The following SNAPC1 variants were observed in gnomAD, a reference collection of about 807,000 sequenced individuals.
SNAPC1 encodes the protein small nuclear RNA activating complex polypeptide 1.
SNAPC1 carries 42 observed loss-of-function variants against 50.1 expected under a neutral mutation model. The ratio of observed to expected loss-of-function variants is 0.84; its 90% confidence interval spans 0.65 to 1.08. The LOEUF (loss-of-function observed/expected upper bound fraction) is 1.08, where lower values mean the gene tolerates loss of function less well. SNAPC1 is among the 50% of genes least tolerant of loss of function. The probability of loss-of-function intolerance (pLI) is 0.00; values close to 1 mark genes in which losing one functional copy is unlikely to be tolerated. For missense variants in SNAPC1, 477 were observed against 427.3 expected (o/e 1.12, Z -1.02); for synonymous variants, 164 against 144.2 (o/e 1.14, Z -0.98).
At chr14:61,790,517 G>A (rs2045144317) in intron 8 of SNAPC1, among the ~76,000 whole-genome samples, 5 of 152,172 alleles carry the variant, frequency 3.3e-5, no homozygotes, top group Admixed American at 3.3e-4. Flanking sequence ...TGTATTTTTA[G>A]TAGAGACGGA....
intron 5 of SNAPC1, among the ~76,000 whole-genome samples, 186 bp from the exon 6 acceptor site, chr14:61,777,885 GA>G (rs1267108055): frequency 6.6e-6 from 1 of 152,144 alleles, no homozygotes; most frequent in Non-Finnish European, 1.5e-5. Flanking sequence ...GCATTTTGTT[GA>G]TGAATTGTAG....
intron 1 of SNAPC1, among the ~76,000 whole-genome samples, chr14:61,764,022 C>T (rs1025509009): frequency 6.6e-6 from 1 of 152,242 alleles, no homozygotes; most frequent in African/African-American, 2.4e-5. Flanking sequence ...GCAACCTCCA[C>T]CTCCCGGGTT....
chr14:61,773,586 C>T (rs1020942910), intron 4 of SNAPC1, among the ~76,000 whole-genome samples: 1 of 150,418 alleles, frequency 6.6e-6, no homozygotes, highest in African/African-American at 2.4e-5. Flanking sequence ...TTAGTAGAGA[C>T]AAGGTTTCAC....
chr14:61,762,775 C>A lies in SNAPC1; in HGVS notation c.128+187C>A, dbSNP rs910757406. On this transcript the variant is annotated intron_variant, in intron 1 of 9. Coordinates refer to ENST00000216294, the MANE Select transcript of SNAPC1 (RefSeq NM_003082.4). Reference sequence around the variant, plus strand: ...GCTTTCCCTGCTCTATTTCATTGTGCCCTGATGGTTGTTGCGGCCTCCTCC... The same window carrying A: ...GCTTTCCCTGCTCTATTTCATTGTGACCTGATGGTTGTTGCGGCCTCCTCC... 3.9e-5 allele frequency among the ~76,000 whole-genome samples: 6 copies of A among 152,080 alleles called. No homozygotes were observed. The South Asian group carries it at 1.2e-3, about 32-fold the overall frequency.
At chr14:61,763,634 C>T (rs1363540435) in intron 1 of SNAPC1, among the ~76,000 whole-genome samples, 1 of 151,868 alleles carries the variant, frequency 6.6e-6, no homozygotes, top group Non-Finnish European at 1.5e-5. Context: ...TTTTGCTCTT[C>T]TAGACTGAGT....
intron 4 of SNAPC1, among the ~76,000 whole-genome samples, chr14:61,769,170 C>T (rs2140175412): frequency 6.6e-6 from 1 of 151,936 alleles, no homozygotes; most frequent in Admixed American, 6.5e-5. Flanking sequence ...CTAGCCTGGC[C>T]AATATGGTGA....
intron 1 of SNAPC1, among the ~76,000 whole-genome samples, chr14:61,765,987 ATGTT>A (rs916685068): frequency 2.6e-5 from 4 of 152,204 alleles, no homozygotes; most frequent in Non-Finnish European, 5.9e-5. Flanking sequence ...ATTGGAGAAA[ATGTT>A]CGTTAGGTAA....
intron 8 of SNAPC1, among the ~76,000 whole-genome samples, chr14:61,789,124 G>A (rs1439916009): frequency 6.6e-6 from 1 of 151,902 alleles, no homozygotes; most frequent in Non-Finnish European, 1.5e-5. Context: ...CCAGCTACTT[G>A]GGAGTCTGAG....
Position 61,796,037 on chromosome 14 carries a change from C to T in SNAPC1, c.*1054C>T, listed in dbSNP as rs1309875157. On this transcript the variant is annotated 3_prime_UTR_variant, in exon 10 of 10. Coordinates refer to ENST00000216294, the MANE Select transcript of SNAPC1 (RefSeq NM_003082.4). ...GATTATACTTCATGCTGTTTTCCAG[C>T]ATGGTATTATTAAGGGATTTAAAGT... 2.0e-5 allele frequency: 3 copies of T among 152,070 alleles called. No homozygotes were observed. Among genetic ancestry groups the T allele is most frequent in the African/African-American group, 7.2e-5 (3 of 41,392 alleles). 9.4% of individuals were successfully genotyped at this position (152,070 alleles called of 1,614,324 possible).
rs1210389728 is a variant in SNAPC1, at chr14:61,795,039, A to G, written c.*56A>G. The G allele has an allele frequency of 2.4e-6, 3 of 1,236,260 alleles. No homozygotes were observed. The highest frequency in any genetic ancestry group is 3.4e-6 in the Non-Finnish European group (3 of 872,322). The allele number at this position is 1,236,260 out of a possible 1,614,324, so 76.6% of individuals were successfully genotyped here. On this transcript the variant is annotated 3_prime_UTR_variant, in exon 10 of 10. Transcript: ENST00000216294. ...AGTTTTCTGACAGAAGAAAAGATTGATATTTTGTGTATTGAACAGGAAGAC... is the reference window on the plus strand; with the variant it reads ...AGTTTTCTGACAGAAGAAAAGATTGGTATTTTGTGTATTGAACAGGAAGAC...
intron 1 of SNAPC1, among the ~76,000 whole-genome samples, chr14:61,764,653 A>G (rs2044933786): frequency 6.6e-6 from 1 of 152,178 alleles, no homozygotes; most frequent in Admixed American, 6.5e-5. Context: ...AAATCCGTTA[A>G]TATTCCACTG....
chr14:61,782,275 T>G lies in SNAPC1; in HGVS notation c.854T>G (p.Val285Gly). ...TCCAAATCAAGAAGGCATCGTCAAG[T>G]CAAACTCGACTCTTCTGACTCTGAT... ...QASKSRRHRQ[V>G]KLDSSDSDSA... The change falls in exon 8 of 10, where the codon GTC (valine) becomes GGC (glycine). Residue 285 changes from valine (V) to glycine (G), a missense_variant. Coordinates refer to ENST00000216294, the MANE Select transcript of SNAPC1 (RefSeq NM_003082.4). 2 of 1,605,866 alleles carry G rather than the reference T, an allele frequency of 1.2e-6. No homozygotes were observed.
At chr14:61,789,091 T>C (rs1329582810) in intron 8 of SNAPC1, among the ~76,000 whole-genome samples, 15 of 151,690 alleles carry the variant, frequency 9.9e-5, no homozygotes. Flanking sequence ...ATTAGCTGGG[T>C]GTGGTGGCGG....
At chr14:61,775,675 C>G (rs1594646616) in intron 4 of SNAPC1, among the ~76,000 whole-genome samples, 1 of 152,130 alleles carries the variant, frequency 6.6e-6, no homozygotes, top group African/African-American at 2.4e-5. Flanking sequence ...ATAGGAATTT[C>G]CAGCAGAGCA....
intron 9 of SNAPC1, 55 bp downstream of exon 9, chr14:61,792,957 C>A: frequency 1.1e-6 from 1 of 870,692 alleles, no homozygotes; most frequent in Non-Finnish European, 1.9e-6. Flanking sequence ...ACTCGTAGAG[C>A]ATCAAGGTTT....
At chr14:61,771,724 G>C (rs147493109) in intron 4 of SNAPC1, among the ~76,000 whole-genome samples, 1 of 152,288 alleles carries the variant, frequency 6.6e-6, no homozygotes, top group Non-Finnish European at 1.5e-5. Flanking sequence ...CTATGGAGGA[G>C]GTGGGTGTGT....
chr14:61,762,534 G>A lies in SNAPC1; in HGVS notation c.74G>A (p.Arg25His), dbSNP rs2044913134. ...LSRFQETDSV[R>H]FEDFTELWRN... ...CGCTTCCAGGAGACGGACAGTGTAC[G>A]CTTCGAGGACTTCACGGAGCTCTGG... The change falls in exon 1 of 10, where the codon CGC becomes CAC. Residue 25 changes from arginine (R) to histidine (H), a missense_variant. Physicochemically the swap from Arg to His is conservative, Grantham distance 29 (BLOSUM62 0). Transcript: ENST00000216294. The A allele has an allele frequency of 3.3e-6, 5 of 1,530,138 alleles. No homozygotes were observed. The African/African-American group carries it at 4.6e-5, about 14-fold the overall frequency. 94.8% of individuals were successfully genotyped at this position (1,530,138 alleles called of 1,614,324 possible).
intron 4 of SNAPC1, among the ~76,000 whole-genome samples, chr14:61,770,697 C>T (rs2044982202): frequency 6.6e-6 from 1 of 152,030 alleles, no homozygotes; most frequent in Non-Finnish European, 1.5e-5. Context: ...ATGTCCCTCT[C>T]CCCCACCACA....
chr14:61,766,230 C>A (rs749087155), intron 1 of SNAPC1, among the ~76,000 whole-genome samples: 1 of 152,162 alleles, frequency 6.6e-6, no homozygotes, highest in Non-Finnish European at 1.5e-5. Context: ...TAAGTCATAG[C>A]CTGTTCTTCT....
Sources: gnomAD v4.1 joint callset for allele counts (sites outside exome capture counted in the v4.1 genomes callset) on GRCh38, gnomAD v4.1.1 for gene constraint, MANE v1.5 for transcripts, NCBI Gene and HGNC (gene_info 2026-07-23, HGNC 2026-07-21) for gene names.